The following DAB1 variants were observed in gnomAD, a reference collection of about 807,000 sequenced individuals.
The protein encoded by DAB1 is disabled homolog 1.
DAB1 carries 15 observed loss-of-function variants against 64.6 expected under a neutral mutation model. The ratio of observed to expected loss-of-function variants is 0.23; its 90% CI spans 0.16 to 0.36. The LOEUF is 0.36. Among genes scored for constraint, DAB1 ranks in the 10% least tolerant of loss-of-function variants. DAB1 has a pLI of 1.00. For synonymous variants in DAB1, 235 were observed against 251.9 expected, an observed-to-expected ratio of 0.93 and a Z score of 0.64; for missense variants, 596 against 706.7, an observed-to-expected ratio of 0.84 and a Z score of 1.78.
intron 9 of DAB1, among the ~76,000 whole-genome samples, chr1:57,046,447 G>A (rs1648507751): frequency 6.6e-6 from 1 of 151,986 alleles, no homozygotes; most frequent in South Asian, 2.1e-4. Context: ...ACTAGACTTT[G>A]TTCATTATTC....
At chr1:58,477,418 G>T (rs1038729885) in intron 3 of DAB1, among the ~76,000 whole-genome samples, 1 of 152,000 alleles carries the variant, frequency 6.6e-6, no homozygotes. Context: ...TTCTAGTTCT[G>T]CCACTTACTT....
chr1:57,948,622 TC>T (rs1645219292), intron 5 of DAB1, among the ~76,000 whole-genome samples: 1 of 152,150 alleles, frequency 6.6e-6, no homozygotes, highest in African/African-American at 2.4e-5. Flanking sequence ...TTAATGTACA[TC>T]TTGGCCAAAG....
At chr1:58,105,588 G>C (rs1173056359) in intron 5 of DAB1, among the ~76,000 whole-genome samples, 1 of 152,130 alleles carries the variant, frequency 6.6e-6, no homozygotes, top group African/African-American at 2.4e-5. Flanking sequence ...TGTACTTCAG[G>C]TTCCTCATTT....
intron 5 of DAB1, among the ~76,000 whole-genome samples, chr1:57,998,305 T>C (rs887684504): frequency 6.6e-6 from 1 of 152,138 alleles, no homozygotes; most frequent in Non-Finnish European, 1.5e-5. Context: ...ATAATAATAG[T>C]GCTTCCTCAC....
chr1:58,470,611 G>A (rs1557430210), intron 3 of DAB1, among the ~76,000 whole-genome samples: 1 of 152,126 alleles, frequency 6.6e-6, no homozygotes, highest in South Asian at 2.1e-4. Context: ...TCACCAAACT[G>A]GAAACCTGGT....
At chr1:57,280,148 T>C (rs1671775208) in intron 2 of DAB1, among the ~76,000 whole-genome samples, 1 of 152,196 alleles carries the variant, frequency 6.6e-6, no homozygotes, top group Admixed American at 6.5e-5. Context: ...TGAGCCTCAG[T>C]TGCCTCTTAC....
rs558938300 is a variant in DAB1 at position 57,418,101 on chromosome 1, T to A, written c.-137+5829A>T. On this transcript the variant is annotated intron_variant, in intron 1 of 14. Transcript: ENST00000371236. Reference sequence around the variant, plus strand: ...CTAGATGGCAAACTGTGCAATTGCATCTTGGTACTCTTCACAATGCCTAGC... The same window carrying A: ...CTAGATGGCAAACTGTGCAATTGCAACTTGGTACTCTTCACAATGCCTAGC... 3.3e-5 allele frequency among the ~76,000 whole-genome samples: 5 copies of A among 152,312 alleles called. No individual in the cohort carries two copies. In the East Asian group the frequency reaches 9.7e-4, roughly 29 times the overall value.
intron 5 of DAB1, among the ~76,000 whole-genome samples, chr1:58,012,093 G>C (rs1241088947): frequency 1.3e-5 from 2 of 152,186 alleles, no homozygotes; most frequent in East Asian, 3.8e-4. Flanking sequence ...ATGAAATACA[G>C]AGATGAGTCA....
In DAB1 at chr1:58,030,843, T is replaced by G. The variant is rs1201343201; in HGVS notation, n.387+119668A>C. Among the ~76,000 whole-genome samples the G allele has an allele frequency of 2.0e-5, 3 of 152,222 alleles. No homozygotes were observed. In the East Asian group the frequency reaches 5.8e-4, roughly 29 times the overall value. On this transcript the variant is annotated intron_variant and non_coding_transcript_variant, in intron 5 of 20. Transcript: ENST00000485760. Reference sequence around the variant, plus strand: ...AATCATTCAAAAATGTATGAACCACTTACTATACATACATATGACTAGGCA... The same window carrying G: ...AATCATTCAAAAATGTATGAACCACGTACTATACATACATATGACTAGGCA...
chr1:57,579,973 G>A (rs2101549141), intron 7 of DAB1, among the ~76,000 whole-genome samples: 1 of 152,260 alleles, frequency 6.6e-6, no homozygotes, highest in Non-Finnish European at 1.5e-5. Flanking sequence ...GTGAGAGGGG[G>A]ACTATGGCAA....
chr1:58,118,511 C>CAG, intron 5 of DAB1, among the ~76,000 whole-genome samples: 1 of 97,040 alleles, frequency 1.0e-5, no homozygotes, highest in African/African-American at 4.1e-5. Flanking sequence ...TATACACACA[C>CAG]ACACACACAC....
At chr1:58,447,999 C>T (rs935459172) in intron 3 of DAB1, among the ~76,000 whole-genome samples, 2 of 152,000 alleles carry the variant, frequency 1.3e-5, no homozygotes, top group Non-Finnish European at 2.9e-5. Flanking sequence ...ATGGCATGTC[C>T]TTTTGGTCTG....
chr1:58,431,987 A>T (rs896422946), intron 3 of DAB1, among the ~76,000 whole-genome samples: 3 of 152,220 alleles, frequency 2.0e-5, no homozygotes, highest in Admixed American at 1.3e-4. Flanking sequence ...GGGCTTGAAC[A>T]TAGATTTCTC....
intron 4 of DAB1, among the ~76,000 whole-genome samples, chr1:58,222,023 T>A (rs1659197517): frequency 6.6e-6 from 1 of 152,208 alleles, no homozygotes; most frequent in African/African-American, 2.4e-5. Context: ...AAACCAAGTA[T>A]TTAATCCATT....
chr1:58,221,552 C>T (rs1260325949), intron 4 of DAB1, among the ~76,000 whole-genome samples: 1 of 152,222 alleles, frequency 6.6e-6, no homozygotes, highest in Non-Finnish European at 1.5e-5. Flanking sequence ...GAAGCCTGCA[C>T]ACCAGGTGAG....
chr1:58,089,732 A>T (rs955835108), intron 5 of DAB1, among the ~76,000 whole-genome samples: 1 of 152,180 alleles, frequency 6.6e-6, no homozygotes. Flanking sequence ...ATGAAACTGA[A>T]ATTACACCGT....
At chr1:58,487,431 GTTA>G (rs1174733093) in intron 3 of DAB1, among the ~76,000 whole-genome samples, 12 of 152,248 alleles carry the variant, frequency 7.9e-5, no homozygotes, top group Admixed American at 2.0e-4. Context: ...TTCTTTTAAA[GTTA>G]TTGTTTTTAT....
intron 5 of DAB1, among the ~76,000 whole-genome samples, chr1:58,144,365 TA>T (rs1391677792): frequency 2.0e-5 from 3 of 152,224 alleles, no homozygotes; most frequent in African/African-American, 7.2e-5. Context: ...TACTTCAAAA[TA>T]ACAATTATCA....
chr1:57,128,152 AAAATAAATAAATAAAT>A (rs141430592), intron 4 of DAB1, among the ~76,000 whole-genome samples: 110 of 103,194 alleles, frequency 1.1e-3, no homozygotes, highest in Non-Finnish European at 1.6e-3. Flanking sequence ...TCAAAAAATA[AAAATAAATAAATAAAT>A]AAATAAATAA....
Sources: allele counts gnomAD v4.1 joint callset (sites outside exome capture counted in the v4.1 genomes callset), GRCh38; gene constraint gnomAD v4.1.1; transcripts MANE v1.5; gene names NCBI Gene and HGNC (gene_info 2026-07-23, HGNC 2026-07-21).